Variants in IQSEC1 observed in about 807,000 individuals in gnomAD.
IQSEC1 encodes the protein IQ motif and Sec7 domain ArfGEF 1, also known as IQ motif and SEC7 domain-containing protein 1.
A neutral mutation model predicts 91.0 loss-of-function variants in IQSEC1; 31 were observed. That is an observed-to-expected ratio of 0.34 (90% confidence interval 0.26 to 0.46). The LOEUF (loss-of-function observed/expected upper bound fraction) is 0.46. Ranked by LOEUF, IQSEC1 falls within the 20% of genes least tolerant of loss-of-function variation. IQSEC1 has a pLI of 1.00. For missense variants in IQSEC1, 1,388 were observed against 1,575.6 expected, an observed-to-expected ratio of 0.88 and a Z score of 2.02; for synonymous variants, 699 against 662.6, an observed-to-expected ratio of 1.05 and a Z score of -0.84.
chr3:13,206,188 C>CCCATCCACCCCTCCATCCAT, intron 1 of IQSEC1, among the ~76,000 whole-genome samples: 1 of 151,440 alleles, frequency 6.6e-6, no homozygotes, highest in Non-Finnish European at 1.5e-5. Context: ...CCTCCATCCA[C>CCCATCCACCCCTCCATCCAT]CCATCCACCC....
chr3:12,969,546 T>C (rs1389326811), intron 1 of IQSEC1, among the ~76,000 whole-genome samples: 1 of 152,158 alleles, frequency 6.6e-6, no homozygotes, highest in African/African-American at 2.4e-5. Flanking sequence ...GAGGATAGGG[T>C]ACACATGACC....
At position 13,038,262 on chromosome 3, in the gene IQSEC1, G is replaced by GTATATATATATATATATA. The variant is rs58338571; in HGVS notation, c.23+34712_23+34729dup. On this transcript the variant is annotated intron_variant, in intron 1 of 13. Coordinates refer to ENST00000613206, the MANE Select transcript of IQSEC1 (RefSeq NM_001134382.3). ...CAAGTATATATATGTGTGTGTGTGT[G>GTATATATATATATATATA]TATATATATATATATATATATATAT... Among the ~76,000 whole-genome samples the GTATATATATATATATATA allele has an allele frequency of 1.5e-3, 155 of 101,156 alleles. 2 individuals are homozygous for GTATATATATATATATATA. The highest frequency in any genetic ancestry group is 2.0e-3 in the Non-Finnish European group (105 of 51,444). The allele number at this position is 101,156 out of a possible 152,430, so 66.4% of individuals were successfully genotyped here.
At chr3:13,114,461 T>C (rs1321039651) in intron 2 of IQSEC1, among the ~76,000 whole-genome samples, 3 of 152,162 alleles carry the variant, frequency 2.0e-5, no homozygotes, top group African/African-American at 7.2e-5. Context: ...ATTGTGTTGT[T>C]ATTTCAAATT....
chr3:13,204,261 G>A (rs1030923849), intron 1 of IQSEC1, among the ~76,000 whole-genome samples: 1 of 152,280 alleles, frequency 6.6e-6, no homozygotes, highest in African/African-American at 2.4e-5. Flanking sequence ...TCAGTGAGCA[G>A]CGCGGGCGCC....
chr3:13,037,263 T>C (rs1306242183), intron 1 of IQSEC1, among the ~76,000 whole-genome samples: 1 of 152,152 alleles, frequency 6.6e-6, no homozygotes, highest in Non-Finnish European at 1.5e-5. Flanking sequence ...CCCAGGAAAG[T>C]TGAAGACACT....
intron 1 of IQSEC1, among the ~76,000 whole-genome samples, chr3:12,951,279 T>C (rs1056489425): frequency 4.6e-5 from 7 of 151,912 alleles, no homozygotes; most frequent in Non-Finnish European, 1.0e-4. Flanking sequence ...AAAAAATAGC[T>C]GGGTGTGGTG....
At chr3:13,032,585 AT>A (rs138670438) in intron 1 of IQSEC1, among the ~76,000 whole-genome samples, 477 of 145,244 alleles carry the variant, frequency 3.3e-3, no homozygotes, top group East Asian at 6.2e-3. Context: ...AGCTTTAAAC[AT>A]TTTTTTTTTT....
chr3:12,945,304 G>C (rs992645863), intron 1 of IQSEC1, among the ~76,000 whole-genome samples: 4 of 152,092 alleles, frequency 2.6e-5, no homozygotes, highest in African/African-American at 7.2e-5. Flanking sequence ...GGCTGCCCTG[G>C]GTCAGCAGGT....
chr3:12,901,119 C>T lies in IQSEC1; in HGVS notation c.3209G>A (p.Gly1070Glu). ...HGPHGGHPAY[G>E]AHAHGHPPLP... is the part of the protein sequence containing the mutation. ...CGGCGGGTGGCCGTGGGCATGGGCC[C>T]CGTAGGCTGGGTGGCCCCCATGGGG... Residue 1070 changes from glycine (G) to glutamate (E), a missense_variant, in exon 14 of 14, where the codon GGG (glycine) becomes GAG (glutamate). Physicochemically the swap from Gly to Glu is moderately conservative, Grantham distance 98. Around this residue, in one of 2 missense-constraint regions of IQSEC1, gnomAD observed 329 missense variants for 257.8 expected, o/e 1.28. Transcript: ENST00000613206. 2 of 1,541,474 alleles carry T rather than the reference C, an allele frequency of 1.3e-6. No individual in the cohort carries two copies. The highest frequency in any genetic ancestry group is 8.7e-7 in the Non-Finnish European group (1 of 1,145,620).
rs915281808 is a variant in IQSEC1 at position 13,127,851 on chromosome 3, T to A, written c.302+36253A>T. Among the ~76,000 whole-genome samples, 3 of 152,248 alleles carry A rather than the reference T, an allele frequency of 2.0e-5. No individual in the cohort carries two copies. The East Asian group carries it at 5.8e-4, about 29-fold the overall frequency. On this transcript the variant is annotated intron_variant, in intron 2 of 15. Transcript: ENST00000648114. ...CATGTTTACATATACAAATCCCATA[T>A]GTTTTCAGTATACAGATTCTGTACA...
intron 1 of IQSEC1, among the ~76,000 whole-genome samples, chr3:13,181,077 G>A (rs544016980): frequency 1.2e-4 from 19 of 152,206 alleles, no homozygotes; most frequent in South Asian, 4.2e-4. Context: ...TCAGACCATC[G>A]TGGCTAACGC....
At position 12,967,454 on chromosome 3, in the gene IQSEC1, C is replaced by A; in HGVS notation, c.24-25589G>T. ...GAGTTGCAGTGCAGGCACCACATGG[C>A]GGCCGCAGTGGGAGCGGGCCGGGCC... On this transcript the variant is annotated intron_variant, in intron 1 of 13. Coordinates refer to ENST00000613206, the MANE Select transcript of IQSEC1 (RefSeq NM_001134382.3). This position sits in a 1 kb window ranked among gnomAD's most constrained non-coding sequence, Gnocchi z 5.9. 6.6e-7 allele frequency: 1 copy of A among 1,518,234 alleles called. No homozygotes were observed. The highest frequency in any genetic ancestry group is 8.8e-7 in the Non-Finnish European group (1 of 1,138,418). 94.0% of individuals were successfully genotyped at this position (1,518,234 alleles called of 1,614,324 possible).
At chr3:12,934,498 T>C (rs540996945) in intron 3 of IQSEC1, among the ~76,000 whole-genome samples, 82 of 152,276 alleles carry the variant, frequency 5.4e-4, no homozygotes, top group African/African-American at 1.9e-3. Context: ...GCGCCATTCA[T>C]CACCCTAGTT....
At chr3:13,154,437 G>GTATATATATA (rs1559265446) in intron 2 of IQSEC1, among the ~76,000 whole-genome samples, 1 of 14,144 alleles carries the variant, frequency 7.1e-5, no homozygotes, top group African/African-American at 2.1e-4. Context: ...GAACTTACAT[G>GTATATATATA]CATATATATA....
chr3:12,902,648 A>T, intron 13 of IQSEC1, 125 bp downstream of exon 13: 1 of 626,712 alleles, frequency 1.6e-6, no homozygotes, highest in East Asian at 3.2e-5. Flanking sequence ...AAAGCCAAAA[A>T]AAAAAACAAC....
chr3:13,123,568 G>A (rs866245840), intron 2 of IQSEC1, among the ~76,000 whole-genome samples: 44 of 152,328 alleles, frequency 2.9e-4, no homozygotes, highest in African/African-American at 1.0e-3. Context: ...ATTGCCCCTG[G>A]AAATGATTGG....
intron 3 of IQSEC1, among the ~76,000 whole-genome samples, chr3:12,927,312 G>C (rs1446662393): frequency 2.0e-5 from 3 of 152,140 alleles, no homozygotes; most frequent in African/African-American, 7.2e-5. Flanking sequence ...TGGCGTCCCT[G>C]GGCCTATGCT....
rs1303419629 is a variant in IQSEC1, at chr3:13,224,077, TGAG to T, written c.272+58631_272+58633del. On this transcript the variant is annotated intron_variant, in intron 1 of 15. Coordinates refer to the IQSEC1 transcript ENST00000648114. ...TTCCTTATCTGAGAAATGGAAGCAA[TGAG>T]GAGGCCAACCTCGGGAGGCTGCTGG... Among the ~76,000 whole-genome samples the T allele has an allele frequency of 6.6e-5, 10 of 151,982 alleles. No homozygotes were observed. In the East Asian group the frequency reaches 1.9e-3, roughly 29 times the overall value.
intron 2 of IQSEC1, among the ~76,000 whole-genome samples, chr3:13,099,976 G>A (rs1422829167): frequency 8.2e-6 from 1 of 122,534 alleles, no homozygotes; most frequent in African/African-American, 3.5e-5. Flanking sequence ...AGAGGAGGTC[G>A]GAGGTGACGG....
Sources: allele counts gnomAD v4.1 joint callset (sites outside exome capture counted in the v4.1 genomes callset), GRCh38; gene constraint gnomAD v4.1.1; regional missense constraint gnomAD v4.1.1; non-coding constraint Gnocchi (gnomAD v3.1); transcripts MANE v1.5; gene names NCBI Gene and HGNC (gene_info 2026-07-23, HGNC 2026-07-21).